Variants in LRRC14B observed in about 807,000 individuals in gnomAD.
The protein encoded by LRRC14B is leucine rich repeat containing 14B, also known as leucine-rich repeat-containing protein 14B.
Under a neutral mutation model 16.9 loss-of-function variants are expected in LRRC14B, and 23 were observed. That is an observed-to-expected ratio of 1.36 (90% CI 0.98 to 1.92). LRRC14B has a LOEUF of 1.92. Among genes scored for constraint, LRRC14B ranks in the 30% most tolerant of loss-of-function variants. The pLI, the probability that LRRC14B is intolerant of heterozygous loss-of-function variation, is 0.00. For missense variants in LRRC14B, 766 were observed against 705.7 expected, an observed-to-expected ratio of 1.09 and a Z score of -0.97; for synonymous variants, 358 against 332.5, an observed-to-expected ratio of 1.08 and a Z score of -0.83.
chr5:194,908 T>G lies in LRRC14B; in HGVS notation c.1100T>G (p.Leu367Arg). The G allele has an allele frequency of 6.2e-7, 1 of 1,608,070 alleles. No homozygotes were observed. Among genetic ancestry groups the G allele is most frequent in the Non-Finnish European group, 8.5e-7 (1 of 1,177,288 alleles). Residue 367 changes from leucine to arginine, a missense_variant, in exon 2 of 2, where the codon CTG becomes CGG. Coordinates refer to ENST00000328278, the MANE Select transcript of LRRC14B (RefSeq NM_001080478.3). ...QASRTLRILTLEECGIVDSHV... is the reference protein window; with the variant it reads ...QASRTLRILTREECGIVDSHV... ...TCCCGGACGCTGAGGATCCTGACAC[T>G]GGAGGAGTGTGGCATCGTAGACAGC...
chr5:191,976 G>T lies in LRRC14B; in HGVS notation c.438G>T (p.Gln146His). 1 of 1,531,574 alleles carries T rather than the reference G, an allele frequency of 6.5e-7. No individual in the cohort carries two copies. Among genetic ancestry groups the T allele is most frequent in the East Asian group, 2.5e-5 (1 of 40,782 alleles). The allele number at this position is 1,531,574 out of a possible 1,614,324, so 94.9% of individuals were successfully genotyped here. A position where few individuals can be genotyped will look rare whatever the true frequency, so the allele number is the denominator to read the frequency against. The change falls in exon 1 of 2, where the codon CAG becomes CAT. Residue 146 changes from glutamine to histidine, a missense_variant. Physicochemically the swap from Gln to His is conservative, Grantham distance 24. Coordinates refer to ENST00000328278, the MANE Select transcript of LRRC14B (RefSeq NM_001080478.3). Reference protein sequence around the residue: ...QLLARTCCELQAEPLAAGRPV... With the variant: ...QLLARTCCELHAEPLAAGRPV... ...TGGCCAGGACCTGCTGTGAGCTGCA[G>T]GCAGAGCCCCTCGCAGCCGGGCGCC...
Position 196,292 on chromosome 5 carries a change from C to G in LRRC14B, c.*939C>G, listed in dbSNP as rs965076947. The stretch of plus-strand genomic sequence containing the variant: ...GACTTTGTGCAAAGAAATGGCTGAG[C>G]ACTAGAATAACTAAATGCAAATAAA... On this transcript the variant is annotated 3_prime_UTR_variant, in exon 2 of 2. Coordinates refer to ENST00000328278, the MANE Select transcript of LRRC14B (RefSeq NM_001080478.3). 14 of 152,284 alleles carry G rather than the reference C, an allele frequency of 9.2e-5. No homozygotes were observed. The highest frequency in any genetic ancestry group is 3.4e-3 in the Middle Eastern group (1 of 294). 9.4% of individuals were successfully genotyped at this position (152,284 alleles called of 1,614,324 possible).
Position 192,437 on chromosome 5 carries a change from G to C in LRRC14B, c.899G>C (p.Gly300Ala). 3 of 1,527,194 alleles carry C rather than the reference G, an allele frequency of 2.0e-6. No homozygotes were observed. The highest frequency in any genetic ancestry group is 2.6e-6 in the Non-Finnish European group (3 of 1,133,996). 94.6% of individuals were successfully genotyped at this position (1,527,194 alleles called of 1,614,324 possible). Residue 300 changes from glycine to alanine, a missense_variant and splice_region_variant, in exon 1 of 2, where the codon GGC becomes GCC. Gly to Ala is a moderately conservative substitution (Grantham distance 60). Coordinates refer to ENST00000328278, the MANE Select transcript of LRRC14B (RefSeq NM_001080478.3). ...ACCGGGAAGATCCCGACGCTGCTTG[G>C]GTGAGTCTTGGGGAGGGGACTGAGG... is the stretch of plus-strand genomic sequence containing the variant. ...TLTGKIPTLL[G>A]PLQTPLRVLD...
At chr5:194,397 G>A (rs527962287) in intron 1 of LRRC14B, among the ~76,000 whole-genome samples, 27 of 152,216 alleles carry the variant, frequency 1.8e-4, no homozygotes, top group Non-Finnish European at 3.5e-4. Context: ...AGACCTCTGG[G>A]TATAGCTGAC....
In LRRC14B at chr5:195,384, C is replaced by T; in HGVS notation, c.*31C>T. 1 of 1,582,166 alleles carries T rather than the reference C, an allele frequency of 6.3e-7. No homozygotes were observed. Among genetic ancestry groups the T allele is most frequent in the African/African-American group, 1.3e-5 (1 of 74,574 alleles). On this transcript the variant is annotated 3_prime_UTR_variant, in exon 2 of 2. Coordinates refer to ENST00000328278, the MANE Select transcript of LRRC14B (RefSeq NM_001080478.3). ...CCACTCGCACCAGTGACAGGTCTTG[C>T]ATTTCAGCCTGCAGGTGCCCCGGGC...
rs780974739 is a variant in LRRC14B, at chr5:194,796, G to A, written c.988G>A (p.Ala330Thr). 24 of 1,610,992 alleles carry A rather than the reference G, an allele frequency of 1.5e-5. No individual in the cohort carries two copies. The highest frequency in any genetic ancestry group is 1.1e-4 in the African/African-American group (8 of 74,856). Residue 330 changes from alanine (A) to threonine (T), a missense_variant, in exon 2 of 2, where the codon GCT becomes ACT. Coordinates refer to ENST00000328278, the MANE Select transcript of LRRC14B (RefSeq NM_001080478.3). The part of the protein sequence containing the change: ...DMAFLADCAH[A>T]AHLEVLDLSG... Reference sequence around the variant, plus strand: ...GGCCTTCTTGGCAGACTGTGCCCACGCTGCCCACCTGGAGGTGCTGGACCT... The same window carrying A: ...GGCCTTCTTGGCAGACTGTGCCCACACTGCCCACCTGGAGGTGCTGGACCT...
At position 194,728 on chromosome 5, in the gene LRRC14B, G is replaced by A. The variant is rs368280607; in HGVS notation, c.920G>A (p.Arg307Gln). Residue 307 changes from arginine to glutamine, a missense_variant, in exon 2 of 2, where the codon CGA (arginine) becomes CAA (glutamine). Physicochemically the swap from Arg to Gln is conservative, Grantham distance 43. Transcript: ENST00000328278. ...TLLGPLQTPL[R>Q]VLDLANCALN... ...TGCAGCCCCCTACAGACCCCGCTGC[G>A]AGTACTGGACCTGGCCAACTGTGCC... 2.0e-5 allele frequency: 33 copies of A among 1,611,210 alleles called. No individual in the cohort carries two copies. Among genetic ancestry groups the A allele is most frequent in the South Asian group, 1.2e-4 (11 of 90,510 alleles).
At chr5:194,300 G>A (rs1028809199) in intron 1 of LRRC14B, among the ~76,000 whole-genome samples, 1 of 140,626 alleles carries the variant, frequency 7.1e-6, no homozygotes, top group African/African-American at 2.8e-5. Flanking sequence ...GGACGTTCTC[G>A]TGGTCACATG....
In LRRC14B at chr5:191,713, C is replaced by T. The variant is rs994443059; in HGVS notation, c.175C>T (p.Leu59=). ...VTRAVLGRWP[L]EEFRLGALLG... is the part of the protein sequence containing the mutation. ...GCGCGCGGTGCTGGGGCGCTGGCCC[C>T]TGGAGGAGTTCCGGCTGGGAGCGCT... Residue 59 remains leucine (L), a synonymous_variant, in exon 1 of 2, where the codon CTG becomes TTG. Coordinates refer to ENST00000328278, the MANE Select transcript of LRRC14B (RefSeq NM_001080478.3). 6.3e-7 allele frequency: 1 copy of T among 1,584,974 alleles called. No individual in the cohort carries two copies. The highest frequency in any genetic ancestry group is 1.3e-5 in the African/African-American group (1 of 74,326).
rs1733892066 is a variant in LRRC14B at position 195,167 on chromosome 5, G to C, written c.1359G>C (p.Glu453Asp). ...AGTTCAACCAGCAGAAATACGACGA[G>C]ATCGCCGAGGAGCTGCGTGCCGTGC... ...MSKFNQQKYD[E>D]IAEELRAVLL... The change falls in exon 2 of 2, where the codon GAG (glutamate) becomes GAC (aspartate). Residue 453 changes from glutamate to aspartate, a missense_variant. Physicochemically the swap from Glu to Asp is conservative, Grantham distance 45. Coordinates refer to ENST00000328278, the MANE Select transcript of LRRC14B (RefSeq NM_001080478.3). The C allele has an allele frequency of 6.2e-7, 1 of 1,613,944 alleles. No homozygotes were observed. Among genetic ancestry groups the C allele is most frequent in the East Asian group, 2.2e-5 (1 of 44,888 alleles).
rs768456780 is a variant in LRRC14B at position 192,428 on chromosome 5, C to T, written c.890C>T (p.Thr297Met). The T allele has an allele frequency of 6.5e-7, 1 of 1,534,796 alleles. No homozygotes were observed. Among genetic ancestry groups the T allele is most frequent in the East Asian group, 2.3e-5 (1 of 43,376 alleles). ...TCCACGCTGACCGGGAAGATCCCGA[C>T]GCTGCTTGGGTGAGTCTTGGGGAGG... ...AFSTLTGKIP[T>M]LLGPLQTPLR... The change falls in exon 1 of 2, where the codon ACG becomes ATG. Residue 297 changes from threonine (T) to methionine (M), a missense_variant. By Grantham distance (81) the Thr-to-Met change is moderately conservative. Coordinates refer to ENST00000328278, the MANE Select transcript of LRRC14B (RefSeq NM_001080478.3).
In LRRC14B at chr5:192,205, C is replaced by T. The variant is rs1040840672; in HGVS notation, c.667C>T (p.Arg223Trp). 76 of 1,598,570 alleles carry T rather than the reference C, an allele frequency of 4.8e-5. No homozygotes were observed. Among genetic ancestry groups the T allele is most frequent in the African/African-American group, 1.9e-4 (14 of 74,582 alleles). The stretch of plus-strand genomic sequence containing the variant: ...CAAGCTGGAGGTGGTGCACAACGTG[C>T]GGCTGCATGCGGGCCACGTGCAGCA... ...LRKLEVVHNV[R>W]LHAGHVQQLL... The change falls in exon 1 of 2, where the codon CGG (arginine) becomes TGG (tryptophan). Residue 223 changes from arginine to tryptophan, a missense_variant. Coordinates refer to ENST00000328278, the MANE Select transcript of LRRC14B (RefSeq NM_001080478.3).
chr5:194,759 C>T lies in LRRC14B; in HGVS notation c.951C>T (p.Asn317=), dbSNP rs764506728. ...TGGACCTGGCCAACTGTGCCCTGAA[C>T]CACACGGACATGGCCTTCTTGGCAG... The part of the protein sequence containing the change: ...RVLDLANCAL[N]HTDMAFLADC... Residue 317 remains asparagine, a synonymous_variant, in exon 2 of 2, where the codon AAC becomes AAT. Coordinates refer to ENST00000328278, the MANE Select transcript of LRRC14B (RefSeq NM_001080478.3). 1.2e-6 allele frequency: 2 copies of T among 1,613,600 alleles called. No individual in the cohort carries two copies. The highest frequency in any genetic ancestry group is 8.5e-7 in the Non-Finnish European group (1 of 1,179,742).
chr5:193,918 G>C (rs1052216764), intron 1 of LRRC14B, among the ~76,000 whole-genome samples: 9 of 152,132 alleles, frequency 5.9e-5, no homozygotes, highest in African/African-American at 2.2e-4. Flanking sequence ...TCCCGATGCA[G>C]TTCTGCTCTG....
chr5:195,102 G>A lies in LRRC14B; in HGVS notation c.1294G>A (p.Glu432Lys), dbSNP rs117769417. 2.6e-5 allele frequency: 42 copies of A among 1,613,920 alleles called. 1 individual carries two copies. In the East Asian group the frequency reaches 5.1e-4, roughly 20 times the overall value. The change falls in exon 2 of 2, where the codon GAG (glutamate) becomes AAG (lysine). Residue 432 changes from glutamate to lysine, a missense_variant. Glu to Lys is a moderately conservative substitution (Grantham distance 56). Coordinates refer to ENST00000328278, the MANE Select transcript of LRRC14B (RefSeq NM_001080478.3). ...CCCGGTGCCCAAGGACTGCTACCCCGAGGGTGCCGCCTACCCACAGGACGA... is the reference window on the plus strand; with the variant it reads ...CCCGGTGCCCAAGGACTGCTACCCCAAGGGTGCCGCCTACCCACAGGACGA... Reference protein sequence around the residue: ...EFPVPKDCYPEGAAYPQDELA... With the variant: ...EFPVPKDCYPKGAAYPQDELA...
Position 192,010 on chromosome 5 carries a change from G to A in LRRC14B, c.472G>A (p.Val158Ile). ...EPLAAGRPVE[V>I]LADLFVTEGN... ...CCTCGCAGCCGGGCGCCCCGTCGAG[G>A]TCCTCGCCGACCTCTTCGTCACTGA... Residue 158 changes from valine to isoleucine, a missense_variant, in exon 1 of 2, where the codon GTC (valine) becomes ATC (isoleucine). Transcript: ENST00000328278. The A allele has an allele frequency of 6.5e-7, 1 of 1,535,204 alleles. No individual in the cohort carries two copies. Among genetic ancestry groups the A allele is most frequent in the Non-Finnish European group, 8.7e-7 (1 of 1,146,390 alleles).
rs561444236 is a variant in LRRC14B, at chr5:192,178, C to A, written c.640C>A (p.Arg214Ser). ...GCGTCTGGCTGGCCCGGGTGCCCTG[C>A]GCAAGCTGGAGGTGGTGCACAACGT... ...VLRLAGPGAL[R>S]KLEVVHNVRL... Residue 214 changes from arginine to serine, a missense_variant, in exon 1 of 2, where the codon CGC (arginine) becomes AGC (serine). Arg to Ser is a moderately radical substitution (Grantham distance 110). Transcript: ENST00000328278. 1.9e-5 allele frequency: 31 copies of A among 1,600,540 alleles called. No individual in the cohort carries two copies. In the African/African-American group the frequency reaches 4.0e-4, roughly 21 times the overall value.
intron 1 of LRRC14B, 131 bp from the exon 2 acceptor site, chr5:194,577 A>G: frequency 1.3e-6 from 1 of 782,550 alleles, no homozygotes; most frequent in Non-Finnish European, 2.0e-6. Flanking sequence ...GCTGTATGAA[A>G]TTAGGCGGTG....
At chr5:193,911 C>T (rs924964151) in intron 1 of LRRC14B, among the ~76,000 whole-genome samples, 7 of 152,118 alleles carry the variant, frequency 4.6e-5, no homozygotes, top group African/African-American at 7.2e-5. Flanking sequence ...GGCCATGTCC[C>T]GATGCAGTTC....
Sources: allele counts gnomAD v4.1 joint callset (sites outside exome capture counted in the v4.1 genomes callset), GRCh38; gene constraint gnomAD v4.1.1; transcripts MANE v1.5; gene names NCBI Gene and HGNC (gene_info 2026-07-23, HGNC 2026-07-21).